Variants in AKAP9 observed in about 807,000 individuals in gnomAD.
The protein encoded by AKAP9 is A-kinase anchor protein 9.
Under a neutral mutation model 488.5 loss-of-function variants are expected in AKAP9, and 311 were observed. The observed-to-expected ratio is 0.64, with a 90% CI of 0.58 to 0.70. The LOEUF (loss-of-function observed/expected upper bound fraction) is 0.70. Among genes scored for constraint, AKAP9 ranks in the 30% least tolerant of loss-of-function variants. The pLI is 0.00. For synonymous variants in AKAP9, 1,462 were observed against 1,483.5 expected, an observed-to-expected ratio of 0.99 and a Z score of 0.33; for missense variants, 4,215 against 4,374.5, an observed-to-expected ratio of 0.96 and a Z score of 1.03.
At chr7:92,101,250 C>T (rs927846616) in intron 45 of AKAP9, among the ~76,000 whole-genome samples, 194 bp downstream of exon 45, 2 of 152,096 alleles carry the variant, frequency 1.3e-5, no homozygotes, top group African/African-American at 4.8e-5. Flanking sequence ...TCCTGGCTAA[C>T]ACGGTGAAAC....
intron 14 of AKAP9, among the ~76,000 whole-genome samples, chr7:92,027,909 A>G (rs1396865429): frequency 1.3e-5 from 2 of 152,198 alleles, no homozygotes; most frequent in African/African-American, 4.8e-5. Flanking sequence ...CTGTGTAGAA[A>G]GAAGTAGACA....
chr7:92,016,908 C>T, intron 11 of AKAP9, 109 bp from the exon 12 acceptor site: 1 of 803,624 alleles, frequency 1.2e-6, no homozygotes, highest in South Asian at 1.6e-5. Flanking sequence ...CTGAGGTTTA[C>T]TTCTAGCAGG....
intron 1 of AKAP9, among the ~76,000 whole-genome samples, chr7:91,961,680 T>C (rs1372221622): frequency 2.6e-5 from 4 of 151,550 alleles, no homozygotes; most frequent in Non-Finnish European, 5.9e-5. Context: ...CCATCTCCAC[T>C]AAAAATACAA....
rs1364238171 is a variant in AKAP9 at position 92,038,753 on chromosome 7, C to T, written c.4673C>T (p.Thr1558Ile). The T allele has an allele frequency of 6.2e-7, 1 of 1,604,744 alleles. No homozygotes were observed. Among genetic ancestry groups the T allele is most frequent in the Non-Finnish European group, 8.5e-7 (1 of 1,176,052 alleles). Residue 1558 changes from threonine (T) to isoleucine (I), a missense_variant, in exon 17 of 50, where the codon ACA (threonine) becomes ATA (isoleucine). By Grantham distance (89) the Thr-to-Ile change is moderately conservative. Coordinates refer to ENST00000356239, the MANE Select transcript of AKAP9 (RefSeq NM_005751.5). ...ISEEMFSKDKTFIVRQSIHDE... is the reference protein window; with the variant it reads ...ISEEMFSKDKIFIVRQSIHDE... ...GAAGAAATGTTCTCCAAAGATAAAA[C>T]ATTTATAGTTAGACAGTCTGTAAGT... is the stretch of plus-strand genomic sequence containing the variant.
intron 21 of AKAP9, among the ~76,000 whole-genome samples, chr7:92,050,232 T>C (rs1346440231): frequency 1.3e-5 from 2 of 151,978 alleles, no homozygotes; most frequent in Admixed American, 6.6e-5. Context: ...GGCCAGCTAA[T>C]TTTTGTATTT....
At chr7:92,015,582 T>G (rs910676200) in intron 10 of AKAP9, among the ~76,000 whole-genome samples, 4 of 152,140 alleles carry the variant, frequency 2.6e-5, no homozygotes, top group African/African-American at 9.7e-5. Flanking sequence ...CAGGCTGGTC[T>G]TGAACTCCTG....
chr7:92,084,104 G>A (rs968347188), intron 33 of AKAP9, among the ~76,000 whole-genome samples: 5 of 152,122 alleles, frequency 3.3e-5, no homozygotes, highest in African/African-American at 4.8e-5. Flanking sequence ...GTGTTAGTCC[G>A]CTGAGAATGA....
chr7:92,041,807 T>C, intron 18 of AKAP9: 1 of 392,444 alleles, frequency 2.5e-6, no homozygotes, highest in Non-Finnish European at 4.6e-6. Context: ...CAATGCAAAA[T>C]TGACAAAAAT....
chr7:92,070,858 C>T (rs1384887877), intron 27 of AKAP9, 47 bp from the exon 28 acceptor site: 2 of 1,101,682 alleles, frequency 1.8e-6, no homozygotes, highest in Non-Finnish European at 2.6e-6. Context: ...ACTGGATAAT[C>T]AGGATTTAAT....
At chr7:92,034,486 A>ATC (rs1339221484) in intron 16 of AKAP9, among the ~76,000 whole-genome samples, 5 of 92,308 alleles carry the variant, frequency 5.4e-5, no homozygotes, top group South Asian at 3.2e-4. Flanking sequence ...ATATCTATAT[A>ATC]TATATATATA....
intron 16 of AKAP9, among the ~76,000 whole-genome samples, chr7:92,034,498 A>ATTTTT (rs59961119): frequency 3.1e-4 from 30 of 95,420 alleles, no homozygotes; most frequent in African/African-American, 4.5e-4. Context: ...ATATATATAT[A>ATTTTT]TTTTTTTTTT....
At chr7:92,078,586 A>C (rs1813006966) in intron 30 of AKAP9, among the ~76,000 whole-genome samples, 1 of 152,044 alleles carries the variant, frequency 6.6e-6, no homozygotes, top group African/African-American at 2.4e-5. Context: ...AGAAAAAAAA[A>C]AAAAAGCAAA....
chr7:91,963,163 GTTTATT>G (rs1793941611), intron 1 of AKAP9, among the ~76,000 whole-genome samples: 2 of 151,956 alleles, frequency 1.3e-5, no homozygotes, highest in Admixed American at 1.3e-4. Context: ...ATTCCAGTTG[GTTTATT>G]TTTAAGAATG....
rs749743090 is a variant in AKAP9, at chr7:92,084,723, G to A, written c.8710+20G>A. 5 of 1,608,320 alleles carry A rather than the reference G, an allele frequency of 3.1e-6. No homozygotes were observed. Among genetic ancestry groups the A allele is most frequent in the Non-Finnish European group, 4.3e-6 (5 of 1,175,550 alleles). ...CCAGTGGTAAGTTATATAAATATTT[G>A]TAATGTTTGTAGTAGTTGTTTAAGA... On this transcript the variant is annotated intron_variant, in intron 34 of 49. Transcript: ENST00000356239.
intron 40 of AKAP9, 32 bp from the exon 41 acceptor site, chr7:92,096,657 A>G: frequency 6.2e-7 from 1 of 1,612,616 alleles, no homozygotes; most frequent in Non-Finnish European, 8.5e-7. Flanking sequence ...AATAATATTA[A>G]CAAGTTCTTA....
intron 1 of AKAP9, among the ~76,000 whole-genome samples, chr7:91,948,470 TG>T (rs1193749041): frequency 1.3e-5 from 2 of 152,146 alleles, no homozygotes; most frequent in Non-Finnish European, 2.9e-5. Context: ...TTGTTTGTTT[TG>T]TTTTTTTGTT....
chr7:92,013,794 G>T (rs985181933), intron 9 of AKAP9, among the ~76,000 whole-genome samples: 9 of 151,926 alleles, frequency 5.9e-5, no homozygotes, highest in Non-Finnish European at 1.0e-4. Flanking sequence ...CTTCAAACAG[G>T]CTAGTGTTTT....
intron 31 of AKAP9, among the ~76,000 whole-genome samples, chr7:92,081,169 T>G (rs573971817): frequency 6.6e-5 from 10 of 152,154 alleles, no homozygotes; most frequent in Non-Finnish European, 1.3e-4. Context: ...ATATGCATGT[T>G]ATGTTATCAT....
rs142348097 is a variant in AKAP9, at chr7:92,053,659, G to A, written c.5601+701G>A. 7.2e-5 allele frequency among the ~76,000 whole-genome samples: 11 copies of A among 152,210 alleles called. No individual in the cohort carries two copies. In the East Asian group the frequency reaches 1.5e-3, roughly 21 times the overall value. On this transcript the variant is annotated intron_variant, in intron 22 of 49. Transcript: ENST00000356239. ...CCAATTTGTTGAATACTAACTCCAC[G>A]CTGTGTTATTTAGCTTCTTCTGTAT...
Sources: gnomAD v4.1 joint callset for allele counts (sites outside exome capture counted in the v4.1 genomes callset) on GRCh38, gnomAD v4.1.1 for gene constraint, MANE v1.5 for transcripts, NCBI Gene and HGNC (gene_info 2026-07-23, HGNC 2026-07-21) for gene names.